ELP4: variants seen among roughly 807,000 people sequenced by gnomAD.
ELP4 encodes elongator complex protein 4.
Under a neutral mutation model 48.9 loss-of-function variants are expected in ELP4, and 51 were observed. The ratio of observed to expected loss-of-function variants is 1.04; its 90% CI spans 0.83 to 1.32. The LOEUF (loss-of-function observed/expected upper bound fraction) is 1.32, where lower values mean the gene tolerates loss of function less well. Ranked by LOEUF, ELP4 falls within the 40% of genes most tolerant of loss-of-function variation. The probability of loss-of-function intolerance (pLI) is 0.00; values close to 1 mark genes in which losing one functional copy is unlikely to be tolerated. For missense variants in ELP4, 519 were observed against 514.6 expected (o/e 1.01, Z -0.08); for synonymous variants, 210 against 189.2 (o/e 1.11, Z -0.90).
intron 9 of ELP4, among the ~76,000 whole-genome samples, chr11:31,733,309 CT>C (rs1194594072): frequency 4.6e-5 from 7 of 151,836 alleles, no homozygotes; most frequent in African/African-American, 1.7e-4. Context: ...AACCCCATCT[CT>C]ACTAAAAATA....
intron 9 of ELP4, among the ~76,000 whole-genome samples, chr11:31,742,121 C>G (rs1017795835): frequency 6.6e-6 from 1 of 151,846 alleles, no homozygotes; most frequent in South Asian, 2.1e-4. Context: ...GTAGCCGATG[C>G]GATTAACTGG....
Position 31,783,809 on chromosome 11 carries a change from G to T in ELP4, c.*285G>T. The stretch of plus-strand genomic sequence containing the variant: ...TTCCTGACAGTGGTCATTCGTGTGT[G>T]TACTAAGGCATTTAGTGTCATGGTA... On this transcript the variant is annotated 3_prime_UTR_variant, in exon 10 of 10. Coordinates refer to ENST00000640961, the MANE Select transcript of ELP4 (RefSeq NM_019040.5). The T allele has an allele frequency of 4.1e-6, 1 of 243,516 alleles. No homozygotes were observed. The allele number at this position is 243,516 out of a possible 1,614,324, so 15.1% of individuals were successfully genotyped here. A position where few individuals can be genotyped will look rare whatever the true frequency, so the allele number is the denominator to read the frequency against.
At chr11:31,717,148 T>C (rs1166996099) in intron 9 of ELP4, among the ~76,000 whole-genome samples, 1 of 152,108 alleles carries the variant, frequency 6.6e-6, no homozygotes, top group East Asian at 1.9e-4. Context: ...AATGAAGGAA[T>C]TGAAGGGATT....
chr11:31,783,589 A>G lies in ELP4; in HGVS notation c.*65A>G. The G allele has an allele frequency of 1.4e-6, 2 of 1,466,054 alleles. No individual in the cohort carries two copies. The highest frequency in any genetic ancestry group is 1.9e-6 in the Non-Finnish European group (2 of 1,079,428). 90.8% of individuals were successfully genotyped at this position (1,466,054 alleles called of 1,614,324 possible). A position where few individuals can be genotyped will look rare whatever the true frequency, so the allele number is the denominator to read the frequency against. On this transcript the variant is annotated 3_prime_UTR_variant, in exon 10 of 10. Transcript: ENST00000640961. ...CTCTAATTATGATTGCTAATAGCTT[A>G]TGTAAATATTTTTCTTAACAATTTG...
At chr11:31,759,529 C>T (rs1276622083) in intron 9 of ELP4, among the ~76,000 whole-genome samples, 2 of 152,130 alleles carry the variant, frequency 1.3e-5, no homozygotes, top group Admixed American at 1.3e-4. Context: ...TTCCCAAGCT[C>T]CCAAAAACAT....
chr11:31,692,814 G>A (rs1205359976), intron 9 of ELP4, among the ~76,000 whole-genome samples: 1 of 152,090 alleles, frequency 6.6e-6, no homozygotes, highest in Non-Finnish European at 1.5e-5. Context: ...ATATCCTTCA[G>A]GCTGCAGTTT....
chr11:31,593,000 A>G (rs1049797930), intron 3 of ELP4, among the ~76,000 whole-genome samples: 2 of 152,176 alleles, frequency 1.3e-5, no homozygotes, highest in Non-Finnish European at 2.9e-5. Context: ...TGTTACAACT[A>G]TTGCCAGGTG....
intron 5 of ELP4, among the ~76,000 whole-genome samples, chr11:31,608,802 A>G (rs900414050): frequency 6.6e-6 from 1 of 152,118 alleles, no homozygotes; most frequent in South Asian, 2.1e-4. Flanking sequence ...TCGATGTGAG[A>G]CGAGACCTGG....
intron 2 of ELP4, among the ~76,000 whole-genome samples, chr11:31,530,259 A>G (rs1956371501): frequency 6.6e-6 from 1 of 152,224 alleles, no homozygotes; most frequent in Admixed American, 6.5e-5. Context: ...AGCTCCGGAT[A>G]TCATTAAAAG....
intron 5 of ELP4, among the ~76,000 whole-genome samples, chr11:31,623,309 C>G (rs1944660133): frequency 7.5e-6 from 1 of 133,726 alleles, no homozygotes; most frequent in Non-Finnish European, 1.6e-5. Context: ...ATTTTAGTAA[C>G]AAACCAAAAT....
At chr11:31,547,131 A>G (rs1260937678) in intron 3 of ELP4, among the ~76,000 whole-genome samples, 1 of 152,206 alleles carries the variant, frequency 6.6e-6, no homozygotes, top group Non-Finnish European at 1.5e-5. Flanking sequence ...GAAATAACTA[A>G]AATCAGAGCA....
At chr11:31,639,897 A>G (rs1262841503) in intron 7 of ELP4, among the ~76,000 whole-genome samples, 1 of 152,110 alleles carries the variant, frequency 6.6e-6, no homozygotes, top group African/African-American at 2.4e-5. Context: ...TGTAGTTCCT[A>G]TAATGGTAGT....
intron 9 of ELP4, among the ~76,000 whole-genome samples, chr11:31,744,013 AAAG>A (rs1269672514): frequency 1.3e-5 from 2 of 152,202 alleles, no homozygotes; most frequent in Non-Finnish European, 2.9e-5. Flanking sequence ...ATAAAGAAGA[AAAG>A]AGAGAAGAAT....
intron 9 of ELP4, among the ~76,000 whole-genome samples, chr11:31,774,410 G>A (rs1948204784): frequency 6.6e-6 from 1 of 152,174 alleles, no homozygotes; most frequent in African/African-American, 2.4e-5. Context: ...TGGAGTGCAG[G>A]TGTAGAAACA....
chr11:31,542,870 A>G (rs1956615403), intron 3 of ELP4, among the ~76,000 whole-genome samples: 1 of 152,228 alleles, frequency 6.6e-6, no homozygotes, highest in African/African-American at 2.4e-5. Flanking sequence ...AGATGAAAAC[A>G]TAAGTTTTAT....
At chr11:31,557,964 TA>T (rs1272118855) in intron 3 of ELP4, among the ~76,000 whole-genome samples, 1 of 152,072 alleles carries the variant, frequency 6.6e-6, no homozygotes, top group African/African-American at 2.4e-5. Context: ...GTTCATCATA[TA>T]AATACAACTA....
chr11:31,660,930 T>C (rs1406656906), intron 9 of ELP4, among the ~76,000 whole-genome samples: 1 of 152,072 alleles, frequency 6.6e-6, no homozygotes, highest in African/African-American at 2.4e-5. Context: ...TCTGAATGAA[T>C]TAATAATGAT....
Position 31,698,992 on chromosome 11 carries a change from T to A in ELP4, c.1143+48771T>A, listed in dbSNP as rs1946467283. Among the ~76,000 whole-genome samples the A allele has an allele frequency of 2.0e-5, 3 of 152,224 alleles. No homozygotes were observed. The South Asian group carries it at 6.2e-4, about 32-fold the overall frequency. On this transcript the variant is annotated intron_variant, in intron 9 of 9. Coordinates refer to ENST00000640961, the MANE Select transcript of ELP4 (RefSeq NM_019040.5). The stretch of plus-strand genomic sequence containing the variant: ...TTTAGAACAAATAAATGGTCATGAT[T>A]ATACACCATGCACACTCAAGCACAC...
intron 9 of ELP4, chr11:31,714,868 TTAAA>T: frequency 2.5e-6 from 1 of 398,428 alleles, no homozygotes; most frequent in Non-Finnish European, 4.4e-6. Flanking sequence ...TTGGACCCAC[TTAAA>T]TAAACCAAGA....
Sources: gnomAD v4.1 joint callset for allele counts (sites outside exome capture counted in the v4.1 genomes callset) on GRCh38, gnomAD v4.1.1 for gene constraint, MANE v1.5 for transcripts, NCBI Gene and HGNC (gene_info 2026-07-23, HGNC 2026-07-21) for gene names.